The following FOXN3 variants were observed in gnomAD, a reference collection of about 807,000 sequenced individuals.
The protein encoded by FOXN3 is forkhead box N3, also known as forkhead box protein N3.
A neutral mutation model predicts 38.4 loss-of-function variants in FOXN3; 7 were observed. The ratio of observed to expected loss-of-function variants is 0.18; its 90% confidence interval spans 0.10 to 0.34. FOXN3 has a LOEUF of 0.34. FOXN3 is among the 10% of genes least tolerant of loss of function. The pLI is 1.00. For missense variants in FOXN3, 456 were observed against 613.4 expected (o/e 0.74, Z 2.71); for synonymous variants, 230 against 242.2 (o/e 0.95, Z 0.47).
intron 1 of FOXN3, among the ~76,000 whole-genome samples, chr14:89,528,489 C>T (rs560067449): frequency 2.7e-5 from 4 of 149,158 alleles, no homozygotes; most frequent in East Asian, 2.0e-4. Context: ...CTCCGCCTCC[C>T]GGGTTCAAGC....
At chr14:89,190,844 A>G (rs1887923156) in intron 4 of FOXN3, among the ~76,000 whole-genome samples, 1 of 152,216 alleles carries the variant, frequency 6.6e-6, no homozygotes, top group Non-Finnish European at 1.5e-5. Flanking sequence ...GAAAGCTCAC[A>G]GCATCAAGAA....
chr14:89,193,807 C>A lies in FOXN3; in HGVS notation c.746-13001G>T, dbSNP rs544036478. 3.9e-5 allele frequency among the ~76,000 whole-genome samples: 6 copies of A among 152,262 alleles called. No homozygotes were observed. The South Asian group carries it at 1.0e-3, about 26-fold the overall frequency. ...TACATTGTTTTCCAAAGAGGGTGTACCACGTAGGAGAGTTCCAGTTGCTCC... is the reference window on the plus strand; with the variant it reads ...TACATTGTTTTCCAAAGAGGGTGTAACACGTAGGAGAGTTCCAGTTGCTCC... On this transcript the variant is annotated intron_variant, in intron 4 of 5. Coordinates refer to ENST00000557258, the MANE Select transcript of FOXN3 (RefSeq NM_005197.4).
intron 3 of FOXN3, among the ~76,000 whole-genome samples, chr14:89,346,746 G>A (rs768115485): frequency 6.6e-6 from 1 of 152,112 alleles, no homozygotes; most frequent in Admixed American, 6.5e-5. Context: ...TCCAGGAGTG[G>A]AGAGTTCCGT....
At chr14:89,505,400 G>C (rs554836779) in intron 1 of FOXN3, among the ~76,000 whole-genome samples, 8 of 151,272 alleles carry the variant, frequency 5.3e-5, no homozygotes, top group South Asian at 2.1e-4. Context: ...TCAGCCTGCC[G>C]AGTGCCTGCG....
chr14:89,218,976 C>T (rs902203727), intron 4 of FOXN3, among the ~76,000 whole-genome samples: 3 of 152,206 alleles, frequency 2.0e-5, no homozygotes, highest in African/African-American at 4.8e-5. Context: ...ATAAGCAAAG[C>T]TCATTTATTC....
intron 1 of FOXN3, among the ~76,000 whole-genome samples, chr14:89,456,794 A>G (rs1892736184): frequency 6.6e-6 from 1 of 152,154 alleles, no homozygotes; most frequent in Non-Finnish European, 1.5e-5. Context: ...TGAAAGATGC[A>G]GTGGGAAGAG....
chr14:89,504,061 G>T (rs547396913), intron 1 of FOXN3, among the ~76,000 whole-genome samples: 2 of 152,184 alleles, frequency 1.3e-5, no homozygotes, highest in East Asian at 3.9e-4. Flanking sequence ...TAGGAAGGAA[G>T]GTGCCCCCAT....
intron 1 of FOXN3, among the ~76,000 whole-genome samples, chr14:89,447,209 A>G (rs1392993806): frequency 6.6e-6 from 1 of 151,848 alleles, no homozygotes; most frequent in African/African-American, 2.4e-5. Context: ...AAAGGAAAAA[A>G]AAAAAAAACG....
chr14:89,581,000 C>G (rs1374496155), intron 1 of FOXN3, among the ~76,000 whole-genome samples: 2 of 142,658 alleles, frequency 1.4e-5, no homozygotes, highest in Admixed American at 1.5e-4. Context: ...CTGGGCAACA[C>G]AGTTAGACCT....
At chr14:89,452,121 C>A (rs1458100809) in intron 1 of FOXN3, among the ~76,000 whole-genome samples, 1 of 152,136 alleles carries the variant, frequency 6.6e-6, no homozygotes, top group Admixed American at 6.5e-5. Flanking sequence ...ATACCAGGGT[C>A]ATGCCCTACA....
chr14:89,474,045 A>T (rs1893162284), intron 1 of FOXN3, among the ~76,000 whole-genome samples: 2 of 152,210 alleles, frequency 1.3e-5, no homozygotes, highest in African/African-American at 4.8e-5. Flanking sequence ...GACCGATAAC[A>T]TCTTCATCAT....
At chr14:89,273,284 T>C (rs1389974821) in intron 4 of FOXN3, among the ~76,000 whole-genome samples, 1 of 152,120 alleles carries the variant, frequency 6.6e-6, no homozygotes, top group African/African-American at 2.4e-5. Context: ...CCCTGAAACA[T>C]GAGATTAAGC....
At chr14:89,526,859 G>T (rs1894442107) in intron 1 of FOXN3, among the ~76,000 whole-genome samples, 1 of 152,072 alleles carries the variant, frequency 6.6e-6, no homozygotes, top group Non-Finnish European at 1.5e-5. Flanking sequence ...ACACTATAAT[G>T]ATCAAGACAA....
At chr14:89,427,427 T>C (rs1428990084) in intron 1 of FOXN3, among the ~76,000 whole-genome samples, 2 of 140,448 alleles carry the variant, frequency 1.4e-5, no homozygotes, top group Admixed American at 1.5e-4. Context: ...TGCCTCAGCA[T>C]CCCAAGTAGG....
At chr14:89,260,958 C>G (rs1596138335) in intron 4 of FOXN3, among the ~76,000 whole-genome samples, 1 of 152,184 alleles carries the variant, frequency 6.6e-6, no homozygotes, top group Middle Eastern at 3.4e-3. Flanking sequence ...CAAAATAACC[C>G]CAATTTACAT....
At chr14:89,385,521 A>G (rs1423463638) in intron 2 of FOXN3, among the ~76,000 whole-genome samples, 1 of 145,582 alleles carries the variant, frequency 6.9e-6, no homozygotes, top group African/African-American at 2.6e-5. Flanking sequence ...AAAAAAAAAA[A>G]GGAGGGCTGG....
At chr14:89,344,761 A>G (rs1348670237) in intron 3 of FOXN3, among the ~76,000 whole-genome samples, 1 of 152,220 alleles carries the variant, frequency 6.6e-6, no homozygotes, top group Non-Finnish European at 1.5e-5. Flanking sequence ...GAAAAATAGA[A>G]ATTTCCTAAA....
rs540739069 is a variant in FOXN3 at position 89,317,700 on chromosome 14, T to C, written c.680+32972A>G. Among the ~76,000 whole-genome samples, 6 of 151,886 alleles carry C rather than the reference T, an allele frequency of 4.0e-5. No homozygotes were observed. In the South Asian group the frequency reaches 1.3e-3, roughly 32 times the overall value. ...TTTGATTGCAACAATTGAACCTACC[T>C]CCTTTCCCCCCCCATAGAAATCCCT... On this transcript the variant is annotated intron_variant, in intron 3 of 5. Transcript: ENST00000557258.
chr14:89,509,587 G>A (rs371302835), intron 1 of FOXN3, among the ~76,000 whole-genome samples: 45 of 152,164 alleles, frequency 3.0e-4, no homozygotes, highest in South Asian at 2.7e-3. Context: ...TGCCCGCCTC[G>A]GCCTCCCAAA....
Sources: allele counts gnomAD v4.1 joint callset (sites outside exome capture counted in the v4.1 genomes callset), GRCh38; gene constraint gnomAD v4.1.1; transcripts MANE v1.5; gene names NCBI Gene and HGNC (gene_info 2026-07-23, HGNC 2026-07-21).